Variants in CCT6A observed in about 807,000 individuals in gnomAD.
The protein encoded by CCT6A is chaperonin containing TCP1 subunit 6A.
A neutral mutation model predicts 58.6 loss-of-function variants in CCT6A; 6 were observed. The ratio of observed to expected loss-of-function variants is 0.10; its 90% CI spans 0.06 to 0.20. CCT6A has a LOEUF of 0.20. Ranked by LOEUF, CCT6A falls within the 10% of genes least tolerant of loss-of-function variation. The pLI is 1.00. For missense variants in CCT6A, 516 were observed against 648.8 expected (o/e 0.80, Z 2.22); for synonymous variants, 245 against 227.8 (o/e 1.08, Z -0.68).
At chr7:56,060,095 T>C (rs1794401289) in intron 9 of CCT6A, 174 bp from the exon 10 acceptor site, 3 of 599,860 alleles carry the variant, frequency 5.0e-6, no homozygotes, top group Non-Finnish European at 8.9e-6. Context: ...TGGGAAGCCA[T>C]TGATGGGGAA....
At chr7:56,062,319 A>G (rs992271973) in intron 12 of CCT6A, among the ~76,000 whole-genome samples, 1 of 152,236 alleles carries the variant, frequency 6.6e-6, no homozygotes, top group African/African-American at 2.4e-5. Context: ...AGGAGATAAC[A>G]GGTACCTCCA....
At position 56,051,826 on chromosome 7, in the gene CCT6A, C is replaced by A. The variant is rs1407685574; in HGVS notation, c.-23C>A. The A allele has an allele frequency of 6.4e-7, 1 of 1,550,700 alleles. No homozygotes were observed. Among genetic ancestry groups the A allele is most frequent in the Middle Eastern group, 1.9e-4 (1 of 5,154 alleles). ...CGGCTCTGGGCACTCAGCATCGTTT[C>A]CTTTTCCTCCGCTGGAGCAGCTATG... is the stretch of plus-strand genomic sequence containing the variant. On this transcript the variant is annotated 5_prime_UTR_variant, in exon 1 of 14. Coordinates refer to ENST00000275603, the MANE Select transcript of CCT6A (RefSeq NM_001762.4).
chr7:56,058,548 C>T, intron 7 of CCT6A, 27 bp downstream of exon 7: 1 of 1,571,010 alleles, frequency 6.4e-7, no homozygotes, highest in Non-Finnish European at 8.7e-7. Context: ...AATGTATAAA[C>T]TAAATAGTAC....
At chr7:56,055,383 AGT>A in intron 3 of CCT6A, 1 of 597,096 alleles carries the variant, frequency 1.7e-6, no homozygotes, top group East Asian at 3.0e-5. Context: ...TGAACACCCA[AGT>A]GTGCTTTATA....
intron 10 of CCT6A, 90 bp downstream of exon 10, chr7:56,060,506 A>G: frequency 7.5e-7 from 1 of 1,338,590 alleles, no homozygotes; most frequent in African/African-American, 1.4e-5. Flanking sequence ...AGTAGTTTAC[A>G]CAGCCAGACA....
Position 56,051,856 on chromosome 7 carries a change from C to T in CCT6A, c.8C>T (p.Ala3Val). 1 of 1,560,120 alleles carries T rather than the reference C, an allele frequency of 6.4e-7. No individual in the cohort carries two copies. Among genetic ancestry groups the T allele is most frequent in the Non-Finnish European group, 8.7e-7 (1 of 1,152,904 alleles). The change falls in exon 1 of 14, where the codon GCG (alanine) becomes GTG (valine). Residue 3 changes from alanine (A) to valine (V), a missense_variant. Coordinates refer to ENST00000275603, the MANE Select transcript of CCT6A (RefSeq NM_001762.4). MA[A>V]VKTLNPKAEV... is the part of the protein sequence containing the mutation. ...TCCTCCGCTGGAGCAGCTATGGCGG[C>T]GGTGAAGACCCTGAACCCCAAGGCC...
At chr7:56,055,894 G>T in intron 4 of CCT6A, 97 bp downstream of exon 4, 1 of 906,588 alleles carries the variant, frequency 1.1e-6, no homozygotes, top group Middle Eastern at 2.7e-4. Context: ...TCAATTACAA[G>T]GTGCTGTGTA....
At chr7:56,052,329 C>A in intron 1 of CCT6A, 93 bp from the exon 2 acceptor site, 1 of 1,097,822 alleles carries the variant, frequency 9.1e-7, no homozygotes, top group Non-Finnish European at 1.4e-6. Flanking sequence ...ACATCCCTGG[C>A]TCCCTAAAAT....
At chr7:56,058,748 A>G in intron 8 of CCT6A, 46 bp downstream of exon 8, 1 of 1,158,124 alleles carries the variant, frequency 8.6e-7, no homozygotes, top group South Asian at 1.3e-5. Flanking sequence ...GTGAATTGGG[A>G]TTATTTCTTT....
chr7:56,052,606 A>G, intron 2 of CCT6A, 121 bp downstream of exon 2: 1 of 844,698 alleles, frequency 1.2e-6, no homozygotes. Context: ...GCGTGTAATC[A>G]GTAATAGTCC....
chr7:56,058,500 A>G lies in CCT6A; in HGVS notation c.864A>G (p.Gly288=). The change falls in exon 7 of 14, where the codon GGA becomes GGG. Residue 288 remains glycine, a synonymous_variant. Transcript: ENST00000275603. Reference sequence around the variant, plus strand: ...AAGTCTGTGGCGATTCAGATAAAGGATTTGTTGTTATTAATCAAAAGGTGA... The same window carrying G: ...AAGTCTGTGGCGATTCAGATAAAGGGTTTGTTGTTATTAATCAAAAGGTGA... ...KRKVCGDSDK[G]FVVINQKGID... 1 of 1,595,392 alleles carries G rather than the reference A, an allele frequency of 6.3e-7. No individual in the cohort carries two copies.
rs768640457 is a variant in CCT6A at position 56,058,040 on chromosome 7, T to G, written c.662T>G (p.Met221Arg). The G allele has an allele frequency of 1.2e-6, 2 of 1,613,432 alleles. No individual in the cohort carries two copies. Among genetic ancestry groups the G allele is most frequent in the Admixed American group, 1.7e-5 (1 of 60,000 alleles). The change falls in exon 6 of 14, where the codon ATG (methionine) becomes AGG (arginine). Residue 221 changes from methionine (M) to arginine (R), a missense_variant. Met to Arg is a moderately conservative substitution (Grantham distance 91). Transcript: ENST00000275603. ...GACCACGGAGCACGGCATCCTGATA[T>G]GAAGAAAAGGGTGGAGGATGCATAC... ...VLDHGARHPD[M>R]KKRVEDAYIL...
intron 11 of CCT6A, 43 bp downstream of exon 11, chr7:56,060,983 G>T: frequency 1.3e-6 from 2 of 1,552,882 alleles, no homozygotes; most frequent in South Asian, 2.4e-5. Context: ...AGATTCAGCT[G>T]ATCAAACCTT....
chr7:56,058,476 A>G lies in CCT6A; in HGVS notation c.840A>G (p.Lys280=). 6.3e-7 allele frequency: 1 copy of G among 1,596,044 alleles called. No homozygotes were observed. Among genetic ancestry groups the G allele is most frequent in the South Asian group, 1.2e-5 (1 of 86,898 alleles). Residue 280 remains lysine (K), a synonymous_variant, in exon 7 of 14, where the codon AAA becomes AAG. Coordinates refer to ENST00000275603, the MANE Select transcript of CCT6A (RefSeq NM_001762.4). ...RVKKIIELKR[K]VCGDSDKGFV... The stretch of plus-strand genomic sequence containing the variant: ...AAAAAATAATAGAACTGAAAAGGAA[A>G]GTCTGTGGCGATTCAGATAAAGGAT...
intron 9 of CCT6A, 45 bp from the exon 10 acceptor site, chr7:56,060,224 C>T (rs1794403767): frequency 6.4e-7 from 1 of 1,566,356 alleles, no homozygotes; most frequent in African/African-American, 1.4e-5. Context: ...TCTCTTCACT[C>T]TGCACAAATC....
At position 56,052,464 on chromosome 7, in the gene CCT6A, C is replaced by G; in HGVS notation, c.180C>G (p.Gly60=). The part of the protein sequence containing the change: ...GAGDIKLTKD[G]NVLLHEMQIQ... ...GAGACATCAAACTTACTAAAGACGG[C>G]AATGTGCTGCTTCACGAAATGGTGA... The change falls in exon 2 of 14, where the codon GGC becomes GGG. Residue 60 remains glycine, a synonymous_variant. Transcript: ENST00000275603. 1 of 1,613,948 alleles carries G rather than the reference C, an allele frequency of 6.2e-7. No homozygotes were observed. Among genetic ancestry groups the G allele is most frequent in the Non-Finnish European group, 8.5e-7 (1 of 1,179,802 alleles).
At chr7:56,056,689 T>G (rs1302371195) in intron 5 of CCT6A, among the ~76,000 whole-genome samples, 1 of 150,124 alleles carries the variant, frequency 6.7e-6, no homozygotes, top group African/African-American at 2.5e-5. Context: ...ACCATTGCAC[T>G]CCAGCCTGGG....
At position 56,059,565 on chromosome 7, in the gene CCT6A, G is replaced by A; in HGVS notation, c.990G>A (p.Gly330=). 1 of 1,605,348 alleles carries A rather than the reference G, an allele frequency of 6.2e-7. No homozygotes were observed. Among genetic ancestry groups the A allele is most frequent in the Non-Finnish European group, 8.5e-7 (1 of 1,172,160 alleles). The change falls in exon 9 of 14, where the codon GGG becomes GGA. Residue 330 remains glycine (G), a synonymous_variant. Transcript: ENST00000275603. The part of the protein sequence containing the change: ...NMERLTLACG[G]VALNSFDDLS... Reference sequence around the variant, plus strand: ...TCAGGCTGACTCTTGCTTGTGGTGGGGTAGCCCTGAATTCTTTTGACGACC... The same window carrying A: ...TCAGGCTGACTCTTGCTTGTGGTGGAGTAGCCCTGAATTCTTTTGACGACC...
chr7:56,055,501 TATATTACCTC>T, intron 3 of CCT6A, 113 bp from the exon 4 acceptor site: 1 of 817,796 alleles, frequency 1.2e-6, no homozygotes, highest in Non-Finnish European at 2.0e-6. Context: ...GCCAGCACAT[TATATTACCTC>T]GTGTTCAAAG....
Sources: allele counts gnomAD v4.1 joint callset (sites outside exome capture counted in the v4.1 genomes callset), GRCh38; gene constraint gnomAD v4.1.1; transcripts MANE v1.5; gene names NCBI Gene and HGNC (gene_info 2026-07-23, HGNC 2026-07-21).